Variants in HNRNPC observed in about 807,000 individuals in gnomAD.
HNRNPC encodes the protein heterogeneous nuclear ribonucleoproteins C1/C2.
Under a neutral mutation model 33.2 loss-of-function variants are expected in HNRNPC, and 3 were observed. That is an observed-to-expected ratio of 0.09 (90% CI 0.04 to 0.23). HNRNPC has a LOEUF of 0.23. HNRNPC is among the 10% of genes least tolerant of loss of function. The pLI, the probability that HNRNPC is intolerant of heterozygous loss-of-function variation, is 1.00. For synonymous variants in HNRNPC, 121 were observed against 126.7 expected (o/e 0.96, Z 0.30); for missense variants, 143 against 366.7 (o/e 0.39, Z 4.98).
chr14:21,244,544 T>A (rs570651519), intron 2 of HNRNPC, among the ~76,000 whole-genome samples: 1 of 152,334 alleles, frequency 6.6e-6, no homozygotes. Flanking sequence ...AATCTAATGA[T>A]ATACGATTCT....
At chr14:21,254,272 C>A (rs1346449464) in intron 2 of HNRNPC, among the ~76,000 whole-genome samples, 2 of 151,916 alleles carry the variant, frequency 1.3e-5, no homozygotes, top group Non-Finnish European at 2.9e-5. Flanking sequence ...TACAAGTATA[C>A]AATGTACCAT....
chr14:21,220,949 T>C (rs540705172), intron 5 of HNRNPC, among the ~76,000 whole-genome samples: 112 of 151,946 alleles, frequency 7.4e-4, no homozygotes, highest in African/African-American at 2.7e-3. Context: ...AAGTCAGGTA[T>C]GGTGGCGCGC....
chr14:21,232,020 T>C (rs761522374), intron 3 of HNRNPC, among the ~76,000 whole-genome samples: 4 of 152,210 alleles, frequency 2.6e-5, no homozygotes, highest in Non-Finnish European at 4.4e-5. Flanking sequence ...GGTTAACGAC[T>C]GCTTTCTGAA....
intron 6 of HNRNPC, 23 bp from the exon 7 acceptor site, chr14:21,211,946 G>C (rs1435049662): frequency 6.5e-7 from 1 of 1,545,164 alleles, no homozygotes; most frequent in Non-Finnish European, 8.9e-7. Context: ...CAAAATACTA[G>C]ATTAAAATCA....
At chr14:21,237,581 T>G (rs762610064) in intron 2 of HNRNPC, among the ~76,000 whole-genome samples, 3 of 152,216 alleles carry the variant, frequency 2.0e-5, no homozygotes, top group Non-Finnish European at 4.4e-5. Context: ...GTGGTGTTAT[T>G]GATGCTTAAA....
chr14:21,232,966 G>T (rs1293328537), intron 3 of HNRNPC, among the ~76,000 whole-genome samples: 1 of 152,050 alleles, frequency 6.6e-6, no homozygotes, highest in African/African-American at 2.4e-5. Flanking sequence ...GAACCCGGGA[G>T]GCTGAGGTTA....
chr14:21,257,407 G>C (rs1877412183), intron 2 of HNRNPC, among the ~76,000 whole-genome samples: 1 of 151,958 alleles, frequency 6.6e-6, no homozygotes, highest in Non-Finnish European at 1.5e-5. Context: ...AACGTTTCAA[G>C]GAAGAGATCT....
intron 5 of HNRNPC, among the ~76,000 whole-genome samples, chr14:21,221,666 T>C (rs1342350492): frequency 6.6e-6 from 1 of 152,188 alleles, no homozygotes; most frequent in Non-Finnish European, 1.5e-5. Context: ...ACTCAGAGTC[T>C]TGTTTCCAGA....
chr14:21,227,609 A>G (rs190319073), intron 5 of HNRNPC, among the ~76,000 whole-genome samples: 21 of 152,360 alleles, frequency 1.4e-4, no homozygotes, highest in Admixed American at 1.2e-3. Flanking sequence ...GAAAATCTGA[A>G]GAGGCCACCA....
intron 1 of HNRNPC, among the ~76,000 whole-genome samples, chr14:21,266,376 G>A (rs1878983899): frequency 1.3e-5 from 2 of 152,206 alleles, no homozygotes; most frequent in Admixed American, 1.3e-4. Flanking sequence ...TGGGATTACA[G>A]GCATGAGCAG....
At chr14:21,218,550 T>C (rs2139508914) in intron 5 of HNRNPC, among the ~76,000 whole-genome samples, 1 of 151,526 alleles carries the variant, frequency 6.6e-6, no homozygotes, top group East Asian at 1.9e-4. Flanking sequence ...CAGCAGGGTG[T>C]GGTGGCATGC....
chr14:21,264,856 T>C (rs1394547327), intron 1 of HNRNPC: 1 of 152,112 alleles, frequency 6.6e-6, no homozygotes, highest in Non-Finnish European at 1.5e-5. Context: ...GACGAGACTT[T>C]ATTAAAAACA....
chr14:21,268,926 G>T (rs1250637559), intron 1 of HNRNPC, among the ~76,000 whole-genome samples: 1 of 151,718 alleles, frequency 6.6e-6, no homozygotes, highest in African/African-American at 2.4e-5. Context: ...TTACATGTAA[G>T]AAGAACGGAG....
intron 8 of HNRNPC, 38 bp from the exon 9 acceptor site, chr14:21,211,344 C>T (rs1412710395): frequency 4.3e-6 from 7 of 1,613,302 alleles, no homozygotes; most frequent in Non-Finnish European, 5.9e-6. Flanking sequence ...GAGTTAGAGG[C>T]ACTCCATGTG....
In HNRNPC at chr14:21,241,223, C is replaced by CACTCCA. The variant is rs1895299264; in HGVS notation, c.-36-7000_-36-6995dup. Among the ~76,000 whole-genome samples, 3 of 141,934 alleles carry CACTCCA rather than the reference C, an allele frequency of 2.1e-5. No homozygotes were observed. In the South Asian group the frequency reaches 7.1e-4, roughly 34 times the overall value. 93.1% of individuals were successfully genotyped at this position (141,934 alleles called of 152,430 possible). ...GTAGTAAGCCGAGATTGCACCCCTG[C>CACTCCA]ACTCCAGCCTGGGAACAGAGCAAGA... On this transcript the variant is annotated intron_variant, in intron 2 of 8. Coordinates refer to ENST00000553300, the MANE Select transcript of HNRNPC (RefSeq NM_004500.4).
At chr14:21,224,374 T>C (rs752533566) in intron 5 of HNRNPC, among the ~76,000 whole-genome samples, 3 of 152,172 alleles carry the variant, frequency 2.0e-5, no homozygotes, top group Non-Finnish European at 4.4e-5. Context: ...AAAAGTCAGG[T>C]AGAATAAAAC....
rs111349430 is a variant in HNRNPC at position 21,222,554 on chromosome 14, T to C, written c.365+7765A>G. On this transcript the variant is annotated intron_variant, in intron 5 of 8. Coordinates refer to ENST00000553300, the MANE Select transcript of HNRNPC (RefSeq NM_004500.4). ...TATGGTTACTACATTTTGTTTATTC[T>C]TTAGTCAGTTGATGGACATTTGAGT... Among the ~76,000 whole-genome samples the C allele has an allele frequency of 4.0e-3, 608 of 152,274 alleles. 6 individuals are homozygous for C. The highest frequency in any genetic ancestry group is 0.014 in the African/African-American group (587 of 41,516).
intron 2 of HNRNPC, among the ~76,000 whole-genome samples, chr14:21,253,382 T>C (rs1210397598): frequency 7.4e-6 from 1 of 134,960 alleles, no homozygotes; most frequent in African/African-American, 2.8e-5. Context: ...GCTGAGGCAG[T>C]AGAATGGCGT....
chr14:21,268,415 C>T (rs1783292347), intron 1 of HNRNPC, among the ~76,000 whole-genome samples: 1 of 152,118 alleles, frequency 6.6e-6, no homozygotes, highest in African/African-American at 2.4e-5. Context: ...CCAGTTACCT[C>T]GTGGTTTCCG....
Sources: gnomAD v4.1 joint callset for allele counts (sites outside exome capture counted in the v4.1 genomes callset) on GRCh38, gnomAD v4.1.1 for gene constraint, MANE v1.5 for transcripts, NCBI Gene and HGNC (gene_info 2026-07-23, HGNC 2026-07-21) for gene names.